MGA: variants seen among roughly 807,000 people sequenced by gnomAD.
The protein encoded by MGA is MAX gene-associated protein.
Under a neutral mutation model 261.1 loss-of-function variants are expected in MGA, and 40 were observed. The ratio of observed to expected loss-of-function variants is 0.15; its 90% CI spans 0.12 to 0.20. The LOEUF is 0.20. MGA is among the 10% of genes least tolerant of loss of function. The pLI is 1.00. For synonymous variants in MGA, 1,302 were observed against 1,290.6 expected (o/e 1.01, Z -0.19); for missense variants, 3,397 against 3,630.5 (o/e 0.94, Z 1.65).
At chr15:41,701,779 G>T (rs572654020) in intron 5 of MGA, among the ~76,000 whole-genome samples, 1 of 152,252 alleles carries the variant, frequency 6.6e-6, no homozygotes, top group East Asian at 1.9e-4. Context: ...CAAACAAAAG[G>T]TGTCTGAGCT....
At position 41,698,592 on chromosome 15, in the gene MGA, A is replaced by G. The variant is rs117548952; in HGVS notation, c.2014-271A>G. Among the ~76,000 whole-genome samples the G allele has an allele frequency of 2.2e-4, 33 of 152,318 alleles. 1 individual carries two copies. In the East Asian group the frequency reaches 4.6e-3, roughly 21 times the overall value. On this transcript the variant is annotated intron_variant, in intron 3 of 23. Coordinates refer to ENST00000219905, the MANE Select transcript of MGA (RefSeq NM_001164273.2). ...GAGAAGTGAACATGCAAATTGGCGT[A>G]TACTTTGAGGTCAGTTAGCTCAGTA...
intron 2 of MGA, among the ~76,000 whole-genome samples, chr15:41,685,836 A>G (rs923905993): frequency 1.6e-4 from 25 of 151,870 alleles, no homozygotes; most frequent in African/African-American, 6.0e-4. Flanking sequence ...CCCCGTCTCT[A>G]CTAAAAATAC....
At chr15:41,701,370 G>T (rs1025145182) in intron 5 of MGA, among the ~76,000 whole-genome samples, 1 of 152,118 alleles carries the variant, frequency 6.6e-6, no homozygotes, top group African/African-American at 2.4e-5. Flanking sequence ...AGTGCTTGCA[G>T]CTGGTCCTTT....
chr15:41,734,266 C>G (rs1034536435), intron 11 of MGA, among the ~76,000 whole-genome samples: 1 of 151,536 alleles, frequency 6.6e-6, no homozygotes, highest in Non-Finnish European at 1.5e-5. Flanking sequence ...AAATATGTTT[C>G]CCTCTTTAAA....
At chr15:41,718,465 C>T in intron 9 of MGA, 5 of 824,708 alleles carry the variant, frequency 6.1e-6, no homozygotes, top group Non-Finnish European at 1.0e-5. Flanking sequence ...ATTTTTCGTA[C>T]AATTTGTGAG....
intron 18 of MGA, 109 bp downstream of exon 18, chr15:41,754,676 C>T (rs2063043274): frequency 7.8e-7 from 1 of 1,277,554 alleles, no homozygotes; most frequent in Non-Finnish European, 1.0e-6. Context: ...CCTTCTTCCT[C>T]TAGCTTTTTT....
chr15:41,762,230 T>C lies in MGA; in HGVS notation c.7612T>C (p.Phe2538Leu), dbSNP rs1199089523. 6.2e-7 allele frequency: 1 copy of C among 1,613,690 alleles called. No homozygotes were observed. The highest frequency in any genetic ancestry group is 1.1e-5 in the South Asian group (1 of 91,072). ...AAAAAAGAAGATGGGATCAGATGAGTTTGACATATCTCCCAGAATTAGCAA... is the reference window on the plus strand; with the variant it reads ...AAAAAAGAAGATGGGATCAGATGAGCTTGACATATCTCCCAGAATTAGCAA... The change falls in exon 22 of 24, where the codon TTT (phenylalanine) becomes CTT (leucine). Residue 2538 changes from phenylalanine (F) to leucine (L), a missense_variant. Physicochemically the swap from Phe to Leu is conservative, Grantham distance 22. Transcript: ENST00000219905.
intron 2 of MGA, among the ~76,000 whole-genome samples, chr15:41,680,260 C>T (rs192014447): frequency 2.2e-3 from 335 of 152,280 alleles, no homozygotes; most frequent in Middle Eastern, 0.01. Flanking sequence ...AGCATTCTTT[C>T]TTCTAGTTTT....
upstream of MGA, among the ~76,000 whole-genome samples, chr15:41,658,427 T>C (rs902402253): frequency 6.6e-6 from 1 of 152,166 alleles, no homozygotes; most frequent in African/African-American, 2.4e-5. Flanking sequence ...AATGTAACCA[T>C]TTAAGTGGTT....
chr15:41,761,964 C>T (rs2063483627), intron 21 of MGA, 114 bp downstream of exon 21: 5 of 1,002,764 alleles, frequency 5.0e-6, no homozygotes, highest in Non-Finnish European at 7.3e-6. Flanking sequence ...CAGTTTACAG[C>T]ACAGTTATCC....
intron 1 of MGA, among the ~76,000 whole-genome samples, chr15:41,622,788 G>A (rs772561629): frequency 3.3e-5 from 5 of 152,132 alleles, no homozygotes; most frequent in Non-Finnish European, 7.4e-5. Context: ...TCTCCTCCCA[G>A]TTCTAGCTCG....
intron 14 of MGA, among the ~76,000 whole-genome samples, chr15:41,741,484 T>C (rs2577949): frequency 0.15 from 23,064 of 151,970 alleles, 2,653 homozygotes; most frequent in East Asian, 0.68. Context: ...GAATATGTAA[T>C]ACGTAAGCAT....
At chr15:41,637,595 A>G (rs1802408738) in intron 1 of MGA, among the ~76,000 whole-genome samples, 1 of 152,172 alleles carries the variant, frequency 6.6e-6, no homozygotes, top group African/African-American at 2.4e-5. Context: ...ATGCTTATAG[A>G]GGGGCTATAA....
intron 16 of MGA, 40 bp downstream of exon 16, chr15:41,748,967 C>T (rs1274114886): frequency 4.4e-6 from 7 of 1,597,338 alleles, no homozygotes; most frequent in Non-Finnish European, 6.0e-6. Context: ...TTTGTTGAAT[C>T]ACTTGGCCAT....
intron 2 of MGA, among the ~76,000 whole-genome samples, chr15:41,682,102 A>G (rs1285805362): frequency 1.3e-5 from 2 of 151,890 alleles, no homozygotes; most frequent in African/African-American, 4.8e-5. Flanking sequence ...TTTTTAGTAG[A>G]GATGAGGTTT....
In MGA at chr15:41,669,548, A is replaced by G. The variant is rs1247918396; in HGVS notation, c.654A>G (p.Leu218=). The G allele has an allele frequency of 6.2e-7, 1 of 1,614,030 alleles. No homozygotes were observed. Residue 218 remains leucine, a synonymous_variant, in exon 2 of 24, where the codon TTA becomes TTG. Transcript: ENST00000219905. ...AAAAGGCTGTGGAGGTGATACAATT[A>G]AATGGCCCTGGTGTCCACACTTTTA...
chr15:41,711,310 G>C lies in MGA; in HGVS notation c.3045G>C (p.Glu1015Asp). 6.2e-7 allele frequency: 1 copy of C among 1,613,164 alleles called. No individual in the cohort carries two copies. Among genetic ancestry groups the C allele is most frequent in the Non-Finnish European group, 8.5e-7 (1 of 1,179,558 alleles). ...AACCAAGGACATACATCACAGAAGA[G>C]CGAGCAGATGTATCCTTAACAACTC... Residue 1015 changes from glutamate to aspartate, a missense_variant, in exon 8 of 24, where the codon GAG becomes GAC. Glu to Asp is a conservative substitution (Grantham distance 45). This residue lies in a region of MGA where 519 missense variants were observed against 554.1 expected (regional missense o/e 0.94). Transcript: ENST00000219905.
intron 3 of MGA, among the ~76,000 whole-genome samples, chr15:41,697,673 C>G (rs893312620): frequency 4.6e-5 from 7 of 152,230 alleles, no homozygotes; most frequent in African/African-American, 1.7e-4. Flanking sequence ...GCTTCAGCCT[C>G]CCAAAGTGCT....
intron 1 of MGA, among the ~76,000 whole-genome samples, chr15:41,623,728 CAAAA>C (rs1179458347): frequency 9.7e-6 from 1 of 103,582 alleles, no homozygotes; most frequent in Non-Finnish European, 2.0e-5. Context: ...ACTCCGTCTC[CAAAA>C]AAAAAAAAAG....
Sources: gnomAD v4.1 joint callset for allele counts (sites outside exome capture counted in the v4.1 genomes callset) on GRCh38, gnomAD v4.1.1 for gene constraint, gnomAD v4.1.1 regional missense constraint, MANE v1.5 for transcripts, NCBI Gene and HGNC (gene_info 2026-07-23, HGNC 2026-07-21) for gene names.